The following SVIL variants were observed in gnomAD, a reference collection of about 807,000 sequenced individuals.
The protein encoded by SVIL is archvillin.
A neutral mutation model predicts 240.4 loss-of-function variants in SVIL; 101 were observed. The ratio of observed to expected loss-of-function variants is 0.42; its 90% confidence interval spans 0.36 to 0.50. The LOEUF is 0.50. SVIL is among the 20% of genes least tolerant of loss of function. SVIL has a pLI of 0.01. For missense variants in SVIL, 2,512 were observed against 2,818.7 expected (o/e 0.89, Z 2.46); for synonymous variants, 999 against 1,100.0 (o/e 0.91, Z 1.82).
rs371723780 is a variant in SVIL, at chr10:29,584,375, G to A, written c.-200-15063C>T. The stretch of plus-strand genomic sequence containing the variant: ...TCCAGGAGAGGCCAACTGGAGATTC[G>A]TTCCTTATCTATGAGGAACATCTGA... On this transcript the variant is annotated intron_variant, in intron 1 of 37. Transcript: ENST00000355867. 3.6e-4 allele frequency among the ~76,000 whole-genome samples: 55 copies of A among 152,310 alleles called. 1 individual carries two copies. The highest frequency in any genetic ancestry group is 1.3e-3 in the African/African-American group (55 of 41,576).
chr10:29,488,984 C>T (rs1947698977), intron 22 of SVIL, among the ~76,000 whole-genome samples: 2 of 152,236 alleles, frequency 1.3e-5, no homozygotes, highest in East Asian at 3.8e-4. Flanking sequence ...AGTGTCACTC[C>T]ATGCTGTGCA....
intron 17 of SVIL, among the ~76,000 whole-genome samples, chr10:29,506,770 A>AGAGGGAAAGGACAGAGGCCCTAT (rs1179694257): frequency 1.4e-5 from 2 of 139,720 alleles, no homozygotes; most frequent in East Asian, 4.1e-4. Flanking sequence ...CAGAGGCCCT[A>AGAGGGAAAGGACAGAGGCCCTAT]GAGGGAAAGG....
chr10:29,468,874 A>C (rs923567658), intron 32 of SVIL: 1 of 152,138 alleles, frequency 6.6e-6, no homozygotes, highest in African/African-American at 2.4e-5. Context: ...ACATTTTTAT[A>C]CAGAACAATA....
At chr10:29,551,742 A>C (rs1191060921) in intron 5 of SVIL, among the ~76,000 whole-genome samples, 2 of 151,756 alleles carry the variant, frequency 1.3e-5, no homozygotes, top group Admixed American at 1.3e-4. Context: ...GGCCCATATC[A>C]TTATTCACCA....
At chr10:29,479,431 A>G (rs1946582850) in intron 29 of SVIL, among the ~76,000 whole-genome samples, 1 of 152,196 alleles carries the variant, frequency 6.6e-6, no homozygotes, top group African/African-American at 2.4e-5. Flanking sequence ...CTACAGGCAG[A>G]GTAAAGCCCC....
intron 10 of SVIL, 79 bp downstream of exon 10, chr10:29,531,175 C>CA: frequency 6.8e-7 from 1 of 1,472,976 alleles, no homozygotes; most frequent in African/African-American, 1.4e-5. Context: ...CTTACTCTCT[C>CA]AAAAAGCCAA....
intron 2 of SVIL, among the ~76,000 whole-genome samples, chr10:29,674,530 G>C (rs1022349364): frequency 6.6e-6 from 1 of 152,102 alleles, no homozygotes; most frequent in African/African-American, 2.4e-5. Context: ...TCTTCTTGGA[G>C]TTACTTATAT....
chr10:29,692,186 A>C (rs1171097330), intron 1 of SVIL, among the ~76,000 whole-genome samples: 5 of 152,226 alleles, frequency 3.3e-5, no homozygotes, highest in African/African-American at 1.2e-4. Context: ...TACAAGTAGA[A>C]GCAAGTAGAG....
chr10:29,502,360 T>C (rs1271015344), intron 17 of SVIL, among the ~76,000 whole-genome samples: 1 of 152,306 alleles, frequency 6.6e-6, no homozygotes, highest in East Asian at 1.9e-4. Context: ...AGAAGATATA[T>C]ATATTTGTTC....
At chr10:29,618,619 C>T (rs964920404) in intron 1 of SVIL, among the ~76,000 whole-genome samples, 1 of 152,212 alleles carries the variant, frequency 6.6e-6, no homozygotes, top group African/African-American at 2.4e-5. Flanking sequence ...AGGATACAAG[C>T]AGTCCCCAGA....
chr10:29,530,553 TG>T, intron 11 of SVIL, 53 bp downstream of exon 11: 1 of 1,603,388 alleles, frequency 6.2e-7, no homozygotes, highest in Non-Finnish European at 8.5e-7. Flanking sequence ...CTCAAATAGC[TG>T]GGATTACTGC....
chr10:29,593,156 G>GA (rs142099029), intron 1 of SVIL, among the ~76,000 whole-genome samples: 4 of 149,822 alleles, frequency 2.7e-5, no homozygotes, highest in Admixed American at 2.7e-4. Context: ...AATACTTGTT[G>GA]AAAAAAAAAG....
At chr10:29,627,123 CTG>C (rs1957905962) in intron 1 of SVIL, among the ~76,000 whole-genome samples, 1 of 152,138 alleles carries the variant, frequency 6.6e-6, no homozygotes. Flanking sequence ...GAGAAACAGT[CTG>C]TGTATTTCAA....
chr10:29,680,757 A>G (rs1960576944), intron 2 of SVIL, among the ~76,000 whole-genome samples: 1 of 152,160 alleles, frequency 6.6e-6, no homozygotes, highest in African/African-American at 2.4e-5. Flanking sequence ...TGTCTCTACT[A>G]AAAATACAAA....
intron 1 of SVIL, among the ~76,000 whole-genome samples, chr10:29,629,526 G>A (rs766770692): frequency 1.3e-5 from 2 of 152,190 alleles, no homozygotes; most frequent in South Asian, 2.1e-4. Context: ...CTAAAGCAGC[G>A]GTTATGAATA....
intron 2 of SVIL, among the ~76,000 whole-genome samples, chr10:29,566,943 G>GC (rs1400455404): frequency 6.6e-6 from 1 of 152,188 alleles, no homozygotes; most frequent in African/African-American, 2.4e-5. Context: ...AAAAGTAAGA[G>GC]CCTGTGTTTC....
intron 28 of SVIL, among the ~76,000 whole-genome samples, chr10:29,481,134 GT>G (rs1331032663): frequency 6.1e-5 from 2 of 32,720 alleles, no homozygotes; most frequent in African/African-American, 3.6e-4. Context: ...AGCTTTAAGG[GT>G]GTGTGTGTGT....
intron 1 of SVIL, among the ~76,000 whole-genome samples, chr10:29,730,667 G>A (rs1412270472): frequency 1.3e-5 from 2 of 152,208 alleles, no homozygotes; most frequent in Non-Finnish European, 2.9e-5. Flanking sequence ...TTAGAATTGT[G>A]GGTGCAACTC....
chr10:29,540,466 T>C (rs905093386), intron 6 of SVIL, among the ~76,000 whole-genome samples: 12 of 152,216 alleles, frequency 7.9e-5, no homozygotes, highest in African/African-American at 2.9e-4. Flanking sequence ...CTCCATTTTA[T>C]AGATGCAGAT....
Sources: allele counts gnomAD v4.1 joint callset (sites outside exome capture counted in the v4.1 genomes callset), GRCh38; gene constraint gnomAD v4.1.1; transcripts MANE v1.5; gene names NCBI Gene and HGNC (gene_info 2026-07-23, HGNC 2026-07-21).